PMEPA1: variants seen among roughly 807,000 people sequenced by gnomAD.
The protein encoded by PMEPA1 is prostate transmembrane protein, androgen induced 1.
PMEPA1 carries 11 observed loss-of-function variants against 23.0 expected under a neutral mutation model. That is an observed-to-expected ratio of 0.48 (90% confidence interval 0.30 to 0.79). PMEPA1 has a LOEUF of 0.79. PMEPA1 is among the 30% of genes least tolerant of loss of function. The pLI is 0.06. For synonymous variants in PMEPA1, 204 were observed against 166.4 expected, an observed-to-expected ratio of 1.23 and a Z score of -1.74; for missense variants, 377 against 390.9, an observed-to-expected ratio of 0.96 and a Z score of 0.30.
intron 1 of PMEPA1, among the ~76,000 whole-genome samples, chr20:57,662,239 G>A (rs920671760): frequency 1.3e-5 from 2 of 152,232 alleles, no homozygotes; most frequent in South Asian, 2.1e-4. Context: ...GTCCTGCACC[G>A]ACAGGACTGT....
chr20:57,710,021 C>A, upstream of PMEPA1: 1 of 995,454 alleles, frequency 1.0e-6, no homozygotes, highest in Non-Finnish European at 1.2e-6. Context: ...CTGACGTCAG[C>A]GCTAGACGGG....
Position 57,649,035 on chromosome 20 carries a change from A to C in PMEPA1, c.*3018T>G, listed in dbSNP as rs1162271342. 4 of 150,972 alleles carry C rather than the reference A, an allele frequency of 2.6e-5. No homozygotes were observed. Among genetic ancestry groups the C allele is most frequent in the Non-Finnish European group, 4.4e-5 (3 of 67,660 alleles). The allele number at this position is 150,972 out of a possible 1,614,324, so 9.4% of individuals were successfully genotyped here. Reference sequence around the variant, plus strand: ...TAGAACCGGGCTTTGCAGGGGAGATAATTTTCCTCCTCTGGAGGAAAGGTG... The same window carrying C: ...TAGAACCGGGCTTTGCAGGGGAGATCATTTTCCTCCTCTGGAGGAAAGGTG... On this transcript the variant is annotated 3_prime_UTR_variant, in exon 4 of 4. Coordinates refer to ENST00000341744, the MANE Select transcript of PMEPA1 (RefSeq NM_020182.5).
intron 1 of PMEPA1, among the ~76,000 whole-genome samples, chr20:57,693,595 G>C (rs1224339706): frequency 6.6e-6 from 1 of 152,170 alleles, no homozygotes; most frequent in Non-Finnish European, 1.5e-5. Context: ...GCTTCCAATT[G>C]TCTTTCTCCC....
rs1489180439 is a variant in PMEPA1, at chr20:57,652,359, G to C, written c.558C>G (p.Pro186=). ...LELNRESVRA[P]PNRTIFDSDL... is the part of the protein sequence containing the mutation. ...CACTGTCGAAGATGGTTCTGTTTGGGGGTGCGCGCACCGACTCCCGGTTCA... is the reference window on the plus strand; with the variant it reads ...CACTGTCGAAGATGGTTCTGTTTGGCGGTGCGCGCACCGACTCCCGGTTCA... The change falls in exon 4 of 4, where the codon CCC becomes CCG. Residue 186 remains proline, a synonymous_variant. Transcript: ENST00000341744. The surrounding 1 kb of genome is among the most constrained non-coding windows in gnomAD (Gnocchi z 6.1). 1 of 1,613,276 alleles carries C rather than the reference G, an allele frequency of 6.2e-7. No homozygotes were observed. Among genetic ancestry groups the C allele is most frequent in the Admixed American group, 1.7e-5 (1 of 60,022 alleles).
rs779682375 is a variant in PMEPA1, at chr20:57,659,693, C to T, written c.114G>A (p.Glu38=). 11 of 1,573,252 alleles carry T rather than the reference C, an allele frequency of 7.0e-6. No homozygotes were observed. In the East Asian group the frequency reaches 1.2e-4, roughly 17 times the overall value. ...RSLFQSMEIT[E]LEFVQIIIIV... is the part of the protein sequence containing the mutation. ...TGATGATGATCTGAACAAACTCCAG[C>T]TCCGCTGTGGAGACAAAGAGGGACA... is the stretch of plus-strand genomic sequence containing the variant. The change falls in exon 2 of 4, where the codon GAG becomes GAA. Residue 38 remains glutamate, a synonymous_variant. Coordinates refer to ENST00000341744, the MANE Select transcript of PMEPA1 (RefSeq NM_020182.5).
rs1277346111 is a variant in PMEPA1 at position 57,650,897 on chromosome 20, T to C, written c.*1156A>G. 1 of 152,196 alleles carries C rather than the reference T, an allele frequency of 6.6e-6. No homozygotes were observed. The highest frequency in any genetic ancestry group is 1.5e-5 in the Non-Finnish European group (1 of 68,052). The allele number at this position is 152,196 out of a possible 1,614,324, so 9.4% of individuals were successfully genotyped here. A position where few individuals can be genotyped will look rare whatever the true frequency, so the allele number is the denominator to read the frequency against. On this transcript the variant is annotated 3_prime_UTR_variant, in exon 4 of 4. Coordinates refer to ENST00000341744, the MANE Select transcript of PMEPA1 (RefSeq NM_020182.5). Reference sequence around the variant, plus strand: ...CGCACCTGCCTTCACCGGTGAACCTTTAGCCAGCTGAACAACCACCAAAGC... The same window carrying C: ...CGCACCTGCCTTCACCGGTGAACCTCTAGCCAGCTGAACAACCACCAAAGC...
At chr20:57,684,108 G>A (rs1165902735) in intron 1 of PMEPA1, among the ~76,000 whole-genome samples, 1 of 152,172 alleles carries the variant, frequency 6.6e-6, no homozygotes, top group African/African-American at 2.4e-5. Flanking sequence ...GGGATCCCAG[G>A]AGACATCTGG....
In PMEPA1 at chr20:57,651,854, CT is replaced by C. The variant is rs571898181; in HGVS notation, c.*198del. The C allele has an allele frequency of 0.095, 23,951 of 252,384 alleles. 742 individuals are homozygous for C. The highest frequency in any genetic ancestry group is 0.21 in the African/African-American group (8,394 of 40,726). The allele number at this position is 252,384 out of a possible 1,614,324, so 15.6% of individuals were successfully genotyped here. A position where few individuals can be genotyped will look rare whatever the true frequency, so the allele number is the denominator to read the frequency against. ...AACGTGGTTTTTTTTTTTCTTTTTT[CT>C]TTTTTTTTTTGCAAGCTCTCTTAGC... On this transcript the variant is annotated 3_prime_UTR_variant, in exon 4 of 4. Transcript: ENST00000341744.
chr20:57,657,314 T>G (rs765249460), intron 2 of PMEPA1, among the ~76,000 whole-genome samples: 5 of 152,120 alleles, frequency 3.3e-5, no homozygotes, highest in Non-Finnish European at 5.9e-5. Flanking sequence ...TTCTGGAATG[T>G]CCAGGCACCG....
intron 1 of PMEPA1, among the ~76,000 whole-genome samples, chr20:57,663,247 G>A (rs1475164649): frequency 6.6e-6 from 1 of 152,208 alleles, no homozygotes; most frequent in Non-Finnish European, 1.5e-5. Context: ...CTGGGTCCAG[G>A]CTTAGGGAGA....
rs773242088 is a variant in PMEPA1 at position 57,682,982 on chromosome 20, A to G, written c.110-23285T>C. Reference sequence around the variant, plus strand: ...CTCCGGCTTCTCCAACTCTTCAGAAAAGGAGAAGAAGAAGAAAAAAGAGTC... The same window carrying G: ...CTCCGGCTTCTCCAACTCTTCAGAAGAGGAGAAGAAGAAGAAAAAAGAGTC... On this transcript the variant is annotated intron_variant, in intron 1 of 3. Coordinates refer to ENST00000341744, the MANE Select transcript of PMEPA1 (RefSeq NM_020182.5). The surrounding 1 kb of genome is among the most constrained non-coding windows in gnomAD (Gnocchi z 4.4). Among the ~76,000 whole-genome samples the G allele has an allele frequency of 2.0e-5, 3 of 152,216 alleles. No homozygotes were observed. The highest frequency in any genetic ancestry group is 4.4e-5 in the Non-Finnish European group (3 of 68,034).
chr20:57,671,095 T>C (rs1480248420), intron 1 of PMEPA1, among the ~76,000 whole-genome samples: 2 of 152,256 alleles, frequency 1.3e-5, no homozygotes, highest in South Asian at 2.1e-4. Flanking sequence ...AAGACAAAGC[T>C]GTGCCTTTTA....
intron 1 of PMEPA1, among the ~76,000 whole-genome samples, chr20:57,691,026 G>C (rs1044430215): frequency 1.3e-5 from 2 of 152,128 alleles, no homozygotes; most frequent in East Asian, 1.9e-4. Context: ...CGTCCCTACC[G>C]GCCCCTCGGT....
Position 57,659,420 on chromosome 20 carries a change from C to T in PMEPA1, c.264+123G>A, listed in dbSNP as rs6015054. The T allele has an allele frequency of 5.3e-3, 5,802 of 1,084,988 alleles. 99 individuals carry two copies. Among genetic ancestry groups the T allele is most frequent in the African/African-American group, 0.048 (3,069 of 63,898 alleles). The allele number at this position is 1,084,988 out of a possible 1,614,324, so 67.2% of individuals were successfully genotyped here. A position where few individuals can be genotyped will look rare whatever the true frequency, so the allele number is the denominator to read the frequency against. On this transcript the variant is annotated intron_variant, in intron 2 of 3. Transcript: ENST00000341744. ...AGCTGCTGTCAGGTGGGCTCCCCAG[C>T]CCCTGTCTTCCTGCCCTGAATCTGT... is the stretch of plus-strand genomic sequence containing the variant.
chr20:57,702,187 A>T (rs1008392234), intron 1 of PMEPA1, among the ~76,000 whole-genome samples: 5 of 152,228 alleles, frequency 3.3e-5, no homozygotes, highest in African/African-American at 1.2e-4. Flanking sequence ...CCCTGGGAAC[A>T]GCACCGGAGG....
Position 57,682,168 on chromosome 20 carries a change from C to T in PMEPA1, c.110-22471G>A, listed in dbSNP as rs145047606. Among the ~76,000 whole-genome samples, 426 of 152,330 alleles carry T rather than the reference C, an allele frequency of 2.8e-3. 11 individuals are homozygous for T. Among genetic ancestry groups the T allele is most frequent in the Admixed American group, 0.025 (388 of 15,296 alleles). ...GAAGATGGGTGATTCGCCCAAATACCGGGTCTGTCCTCCTTCCTTAGGTCA... is the reference window on the plus strand; with the variant it reads ...GAAGATGGGTGATTCGCCCAAATACTGGGTCTGTCCTCCTTCCTTAGGTCA... On this transcript the variant is annotated intron_variant, in intron 1 of 3. Coordinates refer to ENST00000341744, the MANE Select transcript of PMEPA1 (RefSeq NM_020182.5). This position sits in a 1 kb window ranked among gnomAD's most constrained non-coding sequence, Gnocchi z 4.4.
chr20:57,676,323 A>T (rs1414056289), intron 1 of PMEPA1, among the ~76,000 whole-genome samples: 2 of 152,190 alleles, frequency 1.3e-5, no homozygotes, highest in Non-Finnish European at 2.9e-5. Context: ...CTCAACAGGG[A>T]CATAGGTACT....
chr20:57,693,187 C>A (rs1170592613), intron 1 of PMEPA1, among the ~76,000 whole-genome samples: 1 of 152,206 alleles, frequency 6.6e-6, no homozygotes, highest in Admixed American at 6.5e-5. Context: ...TTCCAGCCGA[C>A]CTGCAGTACC....
chr20:57,664,575 C>T (rs541641916), intron 1 of PMEPA1, among the ~76,000 whole-genome samples: 5 of 149,884 alleles, frequency 3.3e-5, no homozygotes, highest in Admixed American at 1.3e-4. Context: ...GCATTTGTTC[C>T]GAGGAGCGCA....
Sources: allele counts gnomAD v4.1 joint callset (sites outside exome capture counted in the v4.1 genomes callset), GRCh38; gene constraint gnomAD v4.1.1; non-coding constraint Gnocchi (gnomAD v3.1); transcripts MANE v1.5; gene names NCBI Gene and HGNC (gene_info 2026-07-23, HGNC 2026-07-21).